CP: variants seen among roughly 807,000 people sequenced by gnomAD.
CP encodes the protein ceruloplasmin.
In CP, 64 loss-of-function variants were observed where a neutral mutation model predicts 122.4. That is an observed-to-expected ratio of 0.52 (90% CI 0.43 to 0.64). CP has a LOEUF of 0.64. Among genes scored for constraint, CP ranks in the 30% least tolerant of loss-of-function variants. The pLI is 0.00. For synonymous variants in CP, 440 were observed against 436.4 expected, an observed-to-expected ratio of 1.01 and a Z score of -0.10; for missense variants, 1,167 against 1,284.4, an observed-to-expected ratio of 0.91 and a Z score of 1.40.
downstream of CP, among the ~76,000 whole-genome samples, chr3:149,169,917 T>C (rs1408099702): frequency 1.3e-5 from 2 of 152,212 alleles, no homozygotes; most frequent in East Asian, 1.9e-4. Flanking sequence ...ATTTTAAGGG[T>C]ACAGGTTTAC....
intron 4 of CP, chr3:149,166,103 T>G (rs1447116912): frequency 2.3e-6 from 1 of 435,844 alleles, no homozygotes; most frequent in African/African-American, 2.0e-5. Flanking sequence ...CCATCTCATC[T>G]TTATCCTGGA....
At chr3:149,185,944 G>A (rs1726141530) in intron 11 of CP, 1 of 174,192 alleles carries the variant, frequency 5.7e-6, no homozygotes, top group Non-Finnish European at 1.2e-5. Flanking sequence ...GTGACACTGG[G>A]GTGGTCTTAA....
chr3:149,178,921 G>A (rs910897085), intron 15 of CP, among the ~76,000 whole-genome samples: 1 of 152,208 alleles, frequency 6.6e-6, no homozygotes, highest in African/African-American at 2.4e-5. Flanking sequence ...CAAATGAACA[G>A]TGTTGGTTTG....
Position 149,177,924 on chromosome 3 carries a change from A to G in CP, c.2934T>C (p.Asp978=), listed in dbSNP as rs1426360265. 2.5e-6 allele frequency: 4 copies of G among 1,613,506 alleles called. No individual in the cohort carries two copies. The highest frequency in any genetic ancestry group is 3.4e-6 in the Non-Finnish European group (4 of 1,179,572). Residue 978 remains aspartate, a synonymous_variant, in exon 17 of 19, where the codon GAT becomes GAC. Transcript: ENST00000264613. ...NLQGLTMHVG[D]EVNWYLMGMG... is the part of the protein sequence containing the mutation. Reference sequence around the variant, plus strand: ...TTCCCATCAGATACCAGTTGACTTCATCTCCCACGTGCATTGTGAGGCCTT... The same window carrying G: ...TTCCCATCAGATACCAGTTGACTTCGTCTCCCACGTGCATTGTGAGGCCTT...
chr3:149,211,227 T>C (rs944332218), intron 2 of CP, among the ~76,000 whole-genome samples: 4 of 152,244 alleles, frequency 2.6e-5, no homozygotes, highest in Non-Finnish European at 5.9e-5. Context: ...TTTAAATTAA[T>C]TTCCCTATTC....
At chr3:149,175,779 G>A (rs1393114370) in intron 18 of CP, among the ~76,000 whole-genome samples, 7 of 150,928 alleles carry the variant, frequency 4.6e-5, no homozygotes, top group Non-Finnish European at 8.9e-5. Context: ...AACAATTATC[G>A]GTAAGGTTCC....
At chr3:149,199,271 ATATAT>A (rs1469458915) in intron 8 of CP, among the ~76,000 whole-genome samples, 8 of 152,166 alleles carry the variant, frequency 5.3e-5, no homozygotes, top group Non-Finnish European at 1.0e-4. Flanking sequence ...TATTTAAAAT[ATATAT>A]TATATGTATA....
chr3:149,217,994 A>G (rs1195840378), intron 1 of CP: 5 of 279,108 alleles, frequency 1.8e-5, no homozygotes, highest in South Asian at 1.7e-4. Flanking sequence ...CTCTAATGGA[A>G]TGAAAAACCC....
chr3:149,170,057 A>G (rs536015261), downstream of CP, among the ~76,000 whole-genome samples: 23 of 152,246 alleles, frequency 1.5e-4, no homozygotes, highest in African/African-American at 5.3e-4. Flanking sequence ...CCATTAGTTT[A>G]CCCTATTTGG....
At chr3:149,202,302 C>T (rs1311876988) in intron 6 of CP, 61 bp from the exon 7 acceptor site, 1 of 1,608,968 alleles carries the variant, frequency 6.2e-7, no homozygotes, top group Non-Finnish European at 8.5e-7. Context: ...CAGGTATTCA[C>T]TTAAGGTGCT....
At chr3:149,170,337 CATTTAGGT>C (rs144468960), downstream of CP, 6 of 152,298 alleles carry the variant, frequency 3.9e-5, no homozygotes, top group African/African-American at 1.4e-4. Flanking sequence ...ACAGGCTCCA[CATTTAGGT>C]AAGTAAACTG....
intron 14 of CP, among the ~76,000 whole-genome samples, chr3:149,181,710 C>T (rs1276707100): frequency 6.6e-6 from 1 of 152,134 alleles, no homozygotes; most frequent in African/African-American, 2.4e-5. Flanking sequence ...GTGGTAGATG[C>T]CATTTGAGCT....
chr3:149,166,052 T>C lies in CP; in HGVS notation c.587-2A>G, dbSNP rs750688111. The C allele has an allele frequency of 2.2e-6, 1 of 455,626 alleles. No individual in the cohort carries two copies. 28.2% of individuals were successfully genotyped at this position (455,626 alleles called of 1,614,324 possible). Reference sequence around the variant, plus strand: ...TTCTCCTGTGAGTCTCAGAAGATGCTGTAGCAAAAAGGGTACAGGGACAAG... The same window carrying C: ...TTCTCCTGTGAGTCTCAGAAGATGCCGTAGCAAAAAGGGTACAGGGACAAG... On this transcript the variant is annotated splice_acceptor_variant, in intron 4 of 5. Coordinates refer to the CP transcript ENST00000479771. LOFTEE classifies it high-confidence loss of function.
intron 14 of CP, among the ~76,000 whole-genome samples, chr3:149,180,317 C>T (rs1725695930): frequency 6.6e-6 from 1 of 152,194 alleles, no homozygotes; most frequent in Non-Finnish European, 1.5e-5. Flanking sequence ...ACCACACCCT[C>T]GGCCTTGGCA....
In CP at chr3:149,200,057, G is replaced by C. The variant is rs116331539; in HGVS notation, c.1349-193C>G. Reference sequence around the variant, plus strand: ...ATGTCGAGGTTGGAAGGAGAGAAGGGCTTTTTAATTCAACTTCAGATTAAT... The same window carrying C: ...ATGTCGAGGTTGGAAGGAGAGAAGGCCTTTTTAATTCAACTTCAGATTAAT... On this transcript the variant is annotated intron_variant, in intron 7 of 18. Coordinates refer to ENST00000264613, the MANE Select transcript of CP (RefSeq NM_000096.4). 2.7e-3 allele frequency: 1,595 copies of C among 599,932 alleles called. 24 individuals carry two copies. Among genetic ancestry groups the C allele is most frequent in the African/African-American group, 0.026 (1,389 of 53,946 alleles). 37.2% of individuals were successfully genotyped at this position (599,932 alleles called of 1,614,324 possible).
In CP at chr3:149,198,537, A is replaced by G. The variant is rs372962396; in HGVS notation, c.1543T>C (p.Phe515Leu). 9 of 1,614,092 alleles carry G rather than the reference A, an allele frequency of 5.6e-6. No homozygotes were observed. The East Asian group carries it at 6.7e-5, about 12-fold the overall frequency. ...TTGGGGACAGTCCATTCATAGGTGA[A>G]TGTTTCTGTGGGTGCCACATGGGAG... ...SASHVAPTET[F>L]TYEWTVPKEV... The change falls in exon 9 of 19, where the codon TTC (phenylalanine) becomes CTC (leucine). Residue 515 changes from phenylalanine (F) to leucine (L), a missense_variant. Coordinates refer to ENST00000264613, the MANE Select transcript of CP (RefSeq NM_000096.4).
chr3:149,207,605 T>A lies in CP; in HGVS notation c.794A>T (p.Tyr265Phe), dbSNP rs763023071. Residue 265 changes from tyrosine to phenylalanine, a missense_variant, in exon 5 of 19, where the codon TAC becomes TTC. Coordinates refer to ENST00000264613, the MANE Select transcript of CP (RefSeq NM_000096.4). ...GAGTCCTGGGAGACTTCCAAAAGTG[T>A]ATCCATTCACAGCTGTAAGTCAAGA... ...ESNRMYSVNG[Y>F]TFGSLPGLSM... The A allele has an allele frequency of 5.0e-6, 8 of 1,613,924 alleles. No individual in the cohort carries two copies. In the South Asian group the frequency reaches 7.7e-5, roughly 16 times the overall value.
chr3:149,184,288 G>T (rs1400674643), intron 12 of CP, among the ~76,000 whole-genome samples: 2 of 151,950 alleles, frequency 1.3e-5, no homozygotes, highest in Non-Finnish European at 2.9e-5. Flanking sequence ...GCCCGCCTCG[G>T]CCTCCCAAAG....
In CP at chr3:149,207,626, C is replaced by A. The variant is rs566719310; in HGVS notation, c.782-9G>T. The stretch of plus-strand genomic sequence containing the variant: ...AGTGTATCCATTCACAGCTGTAAGT[C>A]AAGAGCAGAGTTTGTGACTAAGAGT... On this transcript the variant is annotated splice_polypyrimidine_tract_variant and intron_variant, in intron 4 of 18. Coordinates refer to ENST00000264613, the MANE Select transcript of CP (RefSeq NM_000096.4). The A allele has an allele frequency of 7.3e-5, 117 of 1,613,554 alleles. No homozygotes were observed. Among genetic ancestry groups the A allele is most frequent in the Non-Finnish European group, 8.9e-5 (105 of 1,179,664 alleles).
Sources: gnomAD v4.1 joint callset for allele counts (sites outside exome capture counted in the v4.1 genomes callset) on GRCh38, gnomAD v4.1.1 for gene constraint, MANE v1.5 for transcripts, NCBI Gene and HGNC (gene_info 2026-07-23, HGNC 2026-07-21) for gene names.